SLC7A7: variants seen among roughly 807,000 people sequenced by gnomAD.
The protein encoded by SLC7A7 is solute carrier family 7 member 7, also known as Y+L amino acid transporter 1.
A neutral mutation model predicts 47.9 loss-of-function variants in SLC7A7; 39 were observed. That is an observed-to-expected ratio of 0.81 (90% CI 0.63 to 1.06). SLC7A7 has a LOEUF of 1.06. SLC7A7 is among the 50% of genes least tolerant of loss of function. The pLI is 0.00. For missense variants in SLC7A7, 588 were observed against 632.0 expected (o/e 0.93, Z 0.75); for synonymous variants, 234 against 242.8 (o/e 0.96, Z 0.34).
chr14:22,818,504 C>A (rs1489683722), upstream of SLC7A7, among the ~76,000 whole-genome samples: 1 of 151,744 alleles, frequency 6.6e-6, no homozygotes, highest in Non-Finnish European at 1.5e-5. Flanking sequence ...ACCATTCAGG[C>A]AGCCCCACCA....
At chr14:22,802,435 CAA>C (rs11361255) in intron 2 of SLC7A7, among the ~76,000 whole-genome samples, 2 of 151,100 alleles carry the variant, frequency 1.3e-5, no homozygotes, top group African/African-American at 2.4e-5. Context: ...AACAAACAAA[CAA>C]AAAAAATATT....
intron 2 of SLC7A7, among the ~76,000 whole-genome samples, chr14:22,785,947 G>A (rs2038806741): frequency 1.3e-5 from 2 of 151,358 alleles, no homozygotes; most frequent in African/African-American, 2.4e-5. Flanking sequence ...ACGTGAACCC[G>A]GGAGGCGGAG....
At chr14:22,787,222 G>A (rs1253515870) in intron 2 of SLC7A7, among the ~76,000 whole-genome samples, 1 of 151,950 alleles carries the variant, frequency 6.6e-6, no homozygotes, top group Non-Finnish European at 1.5e-5. Context: ...GATCACCTGA[G>A]GTCAGGAGTT....
At chr14:22,797,052 C>T (rs546544935) in intron 2 of SLC7A7, among the ~76,000 whole-genome samples, 5 of 152,314 alleles carry the variant, frequency 3.3e-5, no homozygotes, top group East Asian at 3.9e-4. Context: ...TATGTACTTA[C>T]ACCTATCTTC....
At chr14:22,809,271 CG>C (rs2039261936) in intron 2 of SLC7A7, among the ~76,000 whole-genome samples, 1 of 151,972 alleles carries the variant, frequency 6.6e-6, no homozygotes, top group Non-Finnish European at 1.5e-5. Flanking sequence ...CTCTGCTTCC[CG>C]GGTTCAAGCG....
In SLC7A7 at chr14:22,796,625, A is replaced by G. The variant is rs547394448; in HGVS notation, c.499+16275T>C. The stretch of plus-strand genomic sequence containing the variant: ...CCAGGTACTGCTGACTCACTGGTAC[A>G]GGGGACATACTGAAGGCATAGATGG... On this transcript the variant is annotated intron_variant, in intron 2 of 9. Coordinates refer to ENST00000674313, the MANE Select transcript of SLC7A7 (RefSeq NM_003982.4). Among the ~76,000 whole-genome samples the G allele has an allele frequency of 7.0e-4, 106 of 152,330 alleles. 1 individual carries two copies. The South Asian group carries it at 0.016, about 24-fold the overall frequency.
At chr14:22,794,919 T>G (rs1373828114) in intron 2 of SLC7A7, among the ~76,000 whole-genome samples, 3 of 152,074 alleles carry the variant, frequency 2.0e-5, no homozygotes, top group African/African-American at 7.2e-5. Context: ...TTTTCCCACC[T>G]CTAGTGACAC....
intron 2 of SLC7A7, among the ~76,000 whole-genome samples, chr14:22,781,579 G>A (rs1388807228): frequency 6.6e-6 from 1 of 152,120 alleles, no homozygotes; most frequent in South Asian, 2.1e-4. Context: ...AATAATTTAA[G>A]ACACAAGTGT....
chr14:22,789,788 T>G (rs954725893), intron 2 of SLC7A7, among the ~76,000 whole-genome samples: 6 of 152,042 alleles, frequency 3.9e-5, no homozygotes, highest in Non-Finnish European at 7.4e-5. Context: ...GTCAGAGTAG[T>G]ACAATATGAG....
At chr14:22,817,783 T>C (rs1461437557), upstream of SLC7A7, among the ~76,000 whole-genome samples, 1 of 152,106 alleles carries the variant, frequency 6.6e-6, no homozygotes, top group East Asian at 1.9e-4. Context: ...ACCTTAGACC[T>C]TGCTTTTGGA....
At chr14:22,812,703 T>TG (rs2039330618) in intron 2 of SLC7A7, among the ~76,000 whole-genome samples, 197 bp downstream of exon 2, 1 of 148,210 alleles carries the variant, frequency 6.7e-6, no homozygotes, top group African/African-American at 2.5e-5. Flanking sequence ...TGTGAGAAGC[T>TG]GGGGAAAAGG....
chr14:22,811,524 C>T (rs2039305159), intron 2 of SLC7A7, among the ~76,000 whole-genome samples: 1 of 152,070 alleles, frequency 6.6e-6, no homozygotes, highest in Non-Finnish European at 1.5e-5. Flanking sequence ...GGAGAAAAAG[C>T]CAAGGTGGAC....
intron 2 of SLC7A7, among the ~76,000 whole-genome samples, chr14:22,782,009 G>A (rs1345287945): frequency 6.6e-6 from 1 of 152,202 alleles, no homozygotes; most frequent in Non-Finnish European, 1.5e-5. Flanking sequence ...GATGTAGGCA[G>A]GGAAAAGGAG....
intron 2 of SLC7A7, among the ~76,000 whole-genome samples, chr14:22,795,469 T>A (rs534812269): frequency 9.2e-4 from 133 of 144,006 alleles, no homozygotes; most frequent in Non-Finnish European, 1.8e-3. Flanking sequence ...TTTCTTTTCT[T>A]TTCTTTTCTT....
At chr14:22,776,887 TGAACTC>T (rs2038619490) in intron 4 of SLC7A7, among the ~76,000 whole-genome samples, 1 of 151,862 alleles carries the variant, frequency 6.6e-6, no homozygotes, top group African/African-American at 2.4e-5. Context: ...GAGAATCACT[TGAACTC>T]GAGAGGCGGA....
Position 22,776,301 on chromosome 14 carries a change from A to G in SLC7A7, c.788T>C (p.Ile263Thr). The change falls in exon 5 of 10, where the codon ATT becomes ACT. Residue 263 changes from isoleucine to threonine, a missense_variant. Ile to Thr is a moderately conservative substitution (Grantham distance 89). Transcript: ENST00000674313. Reference protein sequence around the residue: ...KNPERNLPLSIGISMPIVTII... With the variant: ...KNPERNLPLSTGISMPIVTII... Reference sequence around the variant, plus strand: ...GGTGACAATGGGCATGGAGATGCCAATGGAGAGGGGCAGGTTCCTACAGCC... The same window carrying G: ...GGTGACAATGGGCATGGAGATGCCAGTGGAGAGGGGCAGGTTCCTACAGCC... 1.9e-6 allele frequency: 3 copies of G among 1,614,230 alleles called. No homozygotes were observed. The highest frequency in any genetic ancestry group is 1.3e-5 in the African/African-American group (1 of 75,064).
rs1164946919 is a variant in SLC7A7 at position 22,776,285 on chromosome 14, G to A, written c.804C>T (p.Pro268=). The change falls in exon 5 of 10, where the codon CCC becomes CCT. Residue 268 remains proline (P), a synonymous_variant. Transcript: ENST00000674313. ...TCAAGATATAGATGATGGTGACAAT[G>A]GGCATGGAGATGCCAATGGAGAGGG... ...NLPLSIGISM[P]IVTIIYILTN... 2 of 1,614,210 alleles carry A rather than the reference G, an allele frequency of 1.2e-6. No homozygotes were observed. The highest frequency in any genetic ancestry group is 3.3e-5 in the Admixed American group (2 of 60,022).
At chr14:22,778,124 T>C (rs1042226370) in intron 4 of SLC7A7, among the ~76,000 whole-genome samples, 1 of 152,058 alleles carries the variant, frequency 6.6e-6, no homozygotes, top group African/African-American at 2.4e-5. Flanking sequence ...AAATCTTAGT[T>C]CCCAGAATCA....
chr14:22,790,272 G>A (rs2038900722), intron 2 of SLC7A7, among the ~76,000 whole-genome samples: 1 of 148,892 alleles, frequency 6.7e-6, no homozygotes, highest in Admixed American at 6.7e-5. Context: ...CAAGGCTGCA[G>A]TGATCCTTGA....
Sources: allele counts gnomAD v4.1 joint callset (sites outside exome capture counted in the v4.1 genomes callset), GRCh38; gene constraint gnomAD v4.1.1; transcripts MANE v1.5; gene names NCBI Gene and HGNC (gene_info 2026-07-23, HGNC 2026-07-21).